The following FAT1 variants were observed in gnomAD, a reference collection of about 807,000 sequenced individuals.
The protein encoded by FAT1 is protocadherin Fat 1.
Under a neutral mutation model 329.8 loss-of-function variants are expected in FAT1, and 171 were observed. That is an observed-to-expected ratio of 0.52 (90% confidence interval 0.46 to 0.59). The LOEUF (loss-of-function observed/expected upper bound fraction) is 0.59, where lower values mean the gene tolerates loss of function less well. Ranked by LOEUF, FAT1 falls within the 20% of genes least tolerant of loss-of-function variation. The pLI is 0.00. For synonymous variants in FAT1, 2,233 were observed against 2,228.6 expected (o/e 1.00, Z -0.06); for missense variants, 5,672 against 5,774.4 (o/e 0.98, Z 0.57).
At chr4:186,626,415 C>T (rs1296376838) in intron 9 of FAT1, among the ~76,000 whole-genome samples, 3 of 18,136 alleles carry the variant, frequency 1.7e-4, no homozygotes, top group Admixed American at 4.7e-4. Context: ...GCACATAAAG[C>T]GAGCTTCATC....
intron 9 of FAT1, among the ~76,000 whole-genome samples, chr4:186,626,045 A>G (rs1740288014): frequency 7.2e-6 from 1 of 138,436 alleles, no homozygotes; most frequent in African/African-American, 2.7e-5. Flanking sequence ...AGGGACCAAC[A>G]TGGCACCTGG....
rs1464040192 is a variant in FAT1, at chr4:186,610,718, ATTT to A, written c.9853+665_9853+667del. Among the ~76,000 whole-genome samples the A allele has an allele frequency of 2.9e-5, 3 of 104,972 alleles. No homozygotes were observed. In the East Asian group the frequency reaches 8.2e-4, roughly 29 times the overall value. 68.9% of individuals were successfully genotyped at this position (104,972 alleles called of 152,430 possible). ...ATTTATATAAATATAAATTTATATA[ATTT>A]ATATAAATATAAATTTATATAATTT... is the stretch of plus-strand genomic sequence containing the variant. On this transcript the variant is annotated intron_variant, in intron 14 of 26. Coordinates refer to ENST00000441802, the MANE Select transcript of FAT1 (RefSeq NM_005245.4).
chr4:186,604,704 A>G, intron 17 of FAT1, 130 bp from the exon 18 acceptor site: 1 of 584,962 alleles, frequency 1.7e-6, no homozygotes. Flanking sequence ...ATCTGAAAGG[A>G]AGAGAAGAAA....
intron 1 of FAT1, among the ~76,000 whole-genome samples, chr4:186,714,875 C>T (rs1460690537): frequency 6.6e-6 from 1 of 152,178 alleles, no homozygotes; most frequent in South Asian, 2.1e-4. Flanking sequence ...GTCAAGAGAC[C>T]GAGACCATCC....
intron 2 of FAT1, among the ~76,000 whole-genome samples, chr4:186,701,315 C>G (rs1015367895): frequency 3.9e-5 from 6 of 152,144 alleles, no homozygotes; most frequent in Non-Finnish European, 7.3e-5. Context: ...TATCCCAGAA[C>G]ACAGCAACAA....
At position 186,656,414 on chromosome 4, in the gene FAT1, C is replaced by T. The variant is rs187536429; in HGVS notation, c.3580+6885G>A. On this transcript the variant is annotated intron_variant, in intron 3 of 26. Transcript: ENST00000441802. ...AGAGTTAATATACTAAGGAAGGGAA[C>T]GGAGTGTCTGGAGAACTGGGTGAAA... is the stretch of plus-strand genomic sequence containing the variant. Among the ~76,000 whole-genome samples the T allele has an allele frequency of 9.2e-5, 14 of 152,310 alleles. No individual in the cohort carries two copies. In the East Asian group the frequency reaches 1.4e-3, roughly 15 times the overall value.
At chr4:186,651,872 G>A (rs1003682290) in intron 3 of FAT1, among the ~76,000 whole-genome samples, 7 of 152,194 alleles carry the variant, frequency 4.6e-5, no homozygotes, top group African/African-American at 1.7e-4. Flanking sequence ...CCGGCTGCGC[G>A]CTCTTTCGGC....
At chr4:186,651,922 T>A (rs1295260393) in intron 3 of FAT1, among the ~76,000 whole-genome samples, 2 of 152,220 alleles carry the variant, frequency 1.3e-5, no homozygotes, top group Non-Finnish European at 2.9e-5. Context: ...GTCCCTGAAG[T>A]ACTGGTGCCG....
chr4:186,683,599 T>C (rs1342893605), intron 2 of FAT1, among the ~76,000 whole-genome samples: 3 of 152,184 alleles, frequency 2.0e-5, no homozygotes, highest in African/African-American at 7.2e-5. Context: ...GCCTTTTTCC[T>C]TCCAGGACCT....
At chr4:186,645,517 T>G (rs952713472) in intron 3 of FAT1, among the ~76,000 whole-genome samples, 1 of 150,156 alleles carries the variant, frequency 6.7e-6, no homozygotes, top group Non-Finnish European at 1.5e-5. Context: ...TTTTACAGGC[T>G]TAGAGAGATT....
At chr4:186,690,662 C>T (rs1420140923) in intron 2 of FAT1, among the ~76,000 whole-genome samples, 2 of 152,006 alleles carry the variant, frequency 1.3e-5, no homozygotes, top group Non-Finnish European at 2.9e-5. Flanking sequence ...TGCACTCCAG[C>T]CTGGGCGACA....
chr4:186,606,694 C>G (rs1180538840), intron 16 of FAT1, among the ~76,000 whole-genome samples: 5 of 152,184 alleles, frequency 3.3e-5, no homozygotes, highest in East Asian at 1.9e-4. Flanking sequence ...CACCCTCCCC[C>G]TCAATTTCAC....
chr4:186,707,311 A>C lies in FAT1; in HGVS notation c.2517T>G (p.Ser839Arg), dbSNP rs2126687478. ...CTGTGGCTTCAACCTGGATGATTTCACTATGTACCTCCTTGTCTTCACTCA... is the reference window on the plus strand; with the variant it reads ...CTGTGGCTTCAACCTGGATGATTTCCCTATGTACCTCCTTGTCTTCACTCA... Reference protein sequence around the residue: ...VEVSEDKEVHSEIIQVEATDK... With the variant: ...VEVSEDKEVHREIIQVEATDK... Residue 839 changes from serine (S) to arginine (R), a missense_variant, in exon 2 of 27, where the codon AGT (serine) becomes AGG (arginine). Physicochemically the swap from Ser to Arg is moderately radical, Grantham distance 110. Coordinates refer to ENST00000441802, the MANE Select transcript of FAT1 (RefSeq NM_005245.4). 6.2e-7 allele frequency: 1 copy of C among 1,613,946 alleles called. No homozygotes were observed.
intron 3 of FAT1, among the ~76,000 whole-genome samples, chr4:186,640,296 T>C (rs1388840092): frequency 6.6e-6 from 1 of 152,252 alleles, no homozygotes; most frequent in African/African-American, 2.4e-5. Flanking sequence ...ATGACTCATA[T>C]TGGATAAATG....
intron 9 of FAT1, among the ~76,000 whole-genome samples, chr4:186,626,433 AGAAT>A (rs748895802): frequency 2.6e-5 from 1 of 38,342 alleles, no homozygotes; most frequent in African/African-American, 1.1e-4. Context: ...ATCAGCCTAC[AGAAT>A]GAATGAATGA....
chr4:186,610,538 C>T (rs1464511212), intron 14 of FAT1, among the ~76,000 whole-genome samples: 1 of 147,324 alleles, frequency 6.8e-6, no homozygotes, highest in Non-Finnish European at 1.5e-5. Context: ...ACATCTTTCA[C>T]ATCATTCTAG....
chr4:186,701,531 G>A (rs148114550), intron 2 of FAT1, among the ~76,000 whole-genome samples: 9 of 152,226 alleles, frequency 5.9e-5, no homozygotes, highest in South Asian at 2.1e-4. Flanking sequence ...CCTCCCACCC[G>A]TCTCTAATCA....
At chr4:186,704,714 T>C (rs1240448560) in intron 2 of FAT1, among the ~76,000 whole-genome samples, 2 of 152,230 alleles carry the variant, frequency 1.3e-5, no homozygotes, top group Admixed American at 6.5e-5. Flanking sequence ...TTCTAACTTA[T>C]ACTGGACAGA....
intron 2 of FAT1, among the ~76,000 whole-genome samples, chr4:186,665,255 C>G (rs1248544262): frequency 6.6e-6 from 1 of 152,198 alleles, no homozygotes; most frequent in African/African-American, 2.4e-5. Flanking sequence ...TTCTAGATCC[C>G]TGAGGAATCG....
Sources: gnomAD v4.1 joint callset for allele counts (sites outside exome capture counted in the v4.1 genomes callset) on GRCh38, gnomAD v4.1.1 for gene constraint, MANE v1.5 for transcripts, NCBI Gene and HGNC (gene_info 2026-07-23, HGNC 2026-07-21) for gene names.